CIITA: variants seen among roughly 807,000 people sequenced by gnomAD.
CIITA encodes class II major histocompatibility complex transactivator, also known as MHC class II transactivator.
In CIITA, 72 loss-of-function variants were observed where a neutral mutation model predicts 115.1. That is an observed-to-expected ratio of 0.63 (90% CI 0.52 to 0.76). CIITA has a LOEUF of 0.76. Among genes scored for constraint, CIITA ranks in the 30% least tolerant of loss-of-function variants. The probability of loss-of-function intolerance (pLI) is 0.00; values close to 1 mark genes in which losing one functional copy is unlikely to be tolerated. For synonymous variants in CIITA, 763 were observed against 635.6 expected, an observed-to-expected ratio of 1.20 and a Z score of -3.02; for missense variants, 1,617 against 1,463.8, an observed-to-expected ratio of 1.10 and a Z score of -1.71.
rs905776541 is a variant in CIITA, at chr16:10,929,742, G to A, written c.*5887G>A. The A allele has an allele frequency of 1.1e-5, 2 of 177,800 alleles. No homozygotes were observed. Among genetic ancestry groups the A allele is most frequent in the Admixed American group, 1.3e-4 (2 of 15,316 alleles). 11.0% of individuals were successfully genotyped at this position (177,800 alleles called of 1,614,324 possible). A position where few individuals can be genotyped will look rare whatever the true frequency, so the allele number is the denominator to read the frequency against. On this transcript the variant is annotated 3_prime_UTR_variant, in exon 20 of 20. Coordinates refer to ENST00000324288, the MANE Select transcript of CIITA (RefSeq NM_000246.4). This position sits in a 1 kb window ranked among gnomAD's most constrained non-coding sequence, Gnocchi z 4.3. ...AGACTCAGGCTGAAAATGTCTTTCT[G>A]CAAATATAAAACTCTTTTTAATGAA... is the stretch of plus-strand genomic sequence containing the variant.
chr16:10,909,733 T>C (rs997047790), intron 12 of CIITA, among the ~76,000 whole-genome samples: 8 of 152,188 alleles, frequency 5.3e-5, no homozygotes, highest in Non-Finnish European at 8.8e-5. Context: ...TCTTTTATTT[T>C]TATTTTTATT....
In CIITA at chr16:10,910,272, G is replaced by A. The variant is rs149176307; in HGVS notation, c.2888+13G>A. 3.8e-5 allele frequency: 62 copies of A among 1,612,594 alleles called. No homozygotes were observed. In the African/African-American group the frequency reaches 7.3e-4, roughly 19 times the overall value. On this transcript the variant is annotated intron_variant, in intron 13 of 19. Transcript: ENST00000324288. ...AACTGGAGTTTGCGTAAGCAAAGGGGTGGATTGTCTTGTGGGTCTGCGCAA... is the reference window on the plus strand; with the variant it reads ...AACTGGAGTTTGCGTAAGCAAAGGGATGGATTGTCTTGTGGGTCTGCGCAA...
At chr16:10,896,438 C>T (rs1004688938) in intron 3 of CIITA, among the ~76,000 whole-genome samples, 1 of 152,156 alleles carries the variant, frequency 6.6e-6, no homozygotes, top group African/African-American at 2.4e-5. Flanking sequence ...AATTTGTAGC[C>T]TTAAGAAGAG....
Position 10,916,504 on chromosome 16 carries a change from A to T in CIITA, c.3062+45A>T, listed in dbSNP as rs199871932. 478 of 1,528,062 alleles carry T rather than the reference A, an allele frequency of 3.1e-4. 4 individuals are homozygous for T. In the East Asian group the frequency reaches 0.01, roughly 33 times the overall value. The allele number at this position is 1,528,062 out of a possible 1,614,324, so 94.7% of individuals were successfully genotyped here. On this transcript the variant is annotated intron_variant, in intron 15 of 19. Coordinates refer to ENST00000324288, the MANE Select transcript of CIITA (RefSeq NM_000246.4). ...CCTTCCTGCTGAATCGGGCCCCCAAAGTCCGGCTGACTTTTTCAAAATTAA... is the reference window on the plus strand; with the variant it reads ...CCTTCCTGCTGAATCGGGCCCCCAATGTCCGGCTGACTTTTTCAAAATTAA...
upstream of CIITA, among the ~76,000 whole-genome samples, chr16:10,875,172 T>C (rs1165840161): frequency 6.6e-6 from 1 of 152,130 alleles, no homozygotes; most frequent in East Asian, 1.9e-4. Context: ...TTGGCCAGGC[T>C]GGTCTTCAAC....
intron 4 of CIITA, 91 bp downstream of exon 4, chr16:10,898,823 T>A (rs1158074033): frequency 1.3e-6 from 2 of 1,594,052 alleles, no homozygotes; most frequent in African/African-American, 2.7e-5. Context: ...CGACCATTCA[T>A]TGATGGGCAG....
intron 1 of CIITA, among the ~76,000 whole-genome samples, chr16:10,880,153 C>T (rs936133824): frequency 1.1e-4 from 17 of 152,230 alleles, no homozygotes; most frequent in African/African-American, 3.9e-4. Flanking sequence ...ATGACCTGGT[C>T]TCCAACAATC....
At chr16:10,880,566 G>C (rs12924236) in intron 1 of CIITA, among the ~76,000 whole-genome samples, 35,275 of 152,148 alleles carry the variant, frequency 0.23, 4,568 homozygotes, top group East Asian at 0.57. Context: ...GCCCAGTGCA[G>C]CAAGCAGATG....
In CIITA at chr16:10,867,743, C is replaced by T. The variant is rs114375503; in HGVS notation, c.-21+1424C>T. ...CCCACTTACAAAGAAGTCCTCCCTTCATTGTAATGTCACAACTTTCTTTCT... is the reference window on the plus strand; with the variant it reads ...CCCACTTACAAAGAAGTCCTCCCTTTATTGTAATGTCACAACTTTCTTTCT... On this transcript the variant is annotated intron_variant, in intron 1 of 5. Coordinates refer to the CIITA transcript ENST00000636238. Among the ~76,000 whole-genome samples the T allele has an allele frequency of 9.1e-3, 1,385 of 152,234 alleles. 21 individuals carry two copies. Among genetic ancestry groups the T allele is most frequent in the African/African-American group, 0.03 (1,228 of 41,526 alleles).
chr16:10,867,408 G>A (rs1431653547), intron 1 of CIITA, among the ~76,000 whole-genome samples: 1 of 151,682 alleles, frequency 6.6e-6, no homozygotes, highest in Admixed American at 6.6e-5. Flanking sequence ...GAAACCGAAA[G>A]ACAGAGGGAG....
chr16:10,907,710 A>T lies in CIITA; in HGVS notation c.2218A>T (p.Thr740Ser). The T allele has an allele frequency of 6.2e-7, 1 of 1,614,034 alleles. No individual in the cohort carries two copies. Among genetic ancestry groups the T allele is most frequent in the Non-Finnish European group, 8.5e-7 (1 of 1,180,016 alleles). ...DKELPQYLAL[T>S]PRKKRPYDNW... ...GGAGCTCCCGCAGTACCTAGCATTG[A>T]CCCCAAGGAAGAAGAGGCCCTATGA... The change falls in exon 11 of 20, where the codon ACC (threonine) becomes TCC (serine). Residue 740 changes from threonine to serine, a missense_variant. Transcript: ENST00000324288. This position sits in a 1 kb window ranked among gnomAD's most constrained non-coding sequence, Gnocchi z 5.0.
Position 10,941,460 on chromosome 16 carries a change from T to G in CIITA, n.586T>G. ...GGCATCCAGTTAGACCTGGAGGAGG[T>G]GAACGGAGGAGAAGCCTGAGGGAGG... On this transcript the variant is annotated non_coding_transcript_exon_variant, in exon 2 of 2. Coordinates refer to the CIITA transcript ENST00000573379. This position sits in a 1 kb window ranked among gnomAD's most constrained non-coding sequence, Gnocchi z 6.4. The G allele has an allele frequency of 1.8e-6, 2 of 1,120,594 alleles. No individual in the cohort carries two copies. Among genetic ancestry groups the G allele is most frequent in the South Asian group, 2.3e-5 (1 of 43,108 alleles). The allele number at this position is 1,120,594 out of a possible 1,614,324, so 69.4% of individuals were successfully genotyped here.
intron 5 of CIITA, among the ~76,000 whole-genome samples, chr16:10,900,624 C>T (rs1055439382): frequency 6.6e-6 from 1 of 151,932 alleles, no homozygotes; most frequent in Non-Finnish European, 1.5e-5. Flanking sequence ...CCTGTAATCC[C>T]AGCTACCAGG....
At position 10,929,645 on chromosome 16, in the gene CIITA, G is replaced by T; in HGVS notation, c.*5790G>T. The T allele has an allele frequency of 2.3e-6, 2 of 852,292 alleles. No individual in the cohort carries two copies. The highest frequency in any genetic ancestry group is 2.8e-6 in the Non-Finnish European group (2 of 708,694). The allele number at this position is 852,292 out of a possible 1,614,324, so 52.8% of individuals were successfully genotyped here. On this transcript the variant is annotated 3_prime_UTR_variant, in exon 20 of 20. Transcript: ENST00000324288. The surrounding 1 kb of genome is among the most constrained non-coding windows in gnomAD (Gnocchi z 4.3). Reference sequence around the variant, plus strand: ...CTGGGGACAGGGACCAATCCACCAGGCTCGGGAGGCTTGGGGTGGGGCAGG... The same window carrying T: ...CTGGGGACAGGGACCAATCCACCAGTCTCGGGAGGCTTGGGGTGGGGCAGG...
At chr16:10,899,373 A>G (rs2038474214) in intron 5 of CIITA, among the ~76,000 whole-genome samples, 1 of 150,458 alleles carries the variant, frequency 6.6e-6, no homozygotes, top group Non-Finnish European at 1.5e-5. Context: ...AGTTCTTCCC[A>G]TGGCTGACTC....
chr16:10,893,399 G>A (rs1174767661), intron 1 of CIITA, among the ~76,000 whole-genome samples: 1 of 152,156 alleles, frequency 6.6e-6, no homozygotes, highest in Non-Finnish European at 1.5e-5. Flanking sequence ...AGAGCTACAT[G>A]ATCTTGAGGA....
In CIITA at chr16:10,907,447, GC is replaced by G. The variant is rs778982759; in HGVS notation, c.1962del (p.Ala656ProfsTer30). On this transcript the variant is annotated frameshift_variant, in exon 11 of 20. Transcript: ENST00000324288. LOFTEE classifies it high-confidence loss of function. This position sits in a 1 kb window ranked among gnomAD's most constrained non-coding sequence, Gnocchi z 5.0. The stretch of plus-strand genomic sequence containing the variant: ...CTGCTGGGCCGTGCAGCCCTCGACA[GC>G]CCCCCCGGGGCCCTGGCAGAGCTGG... ...VGLLGRAALD[S>X]PPGALAELAK... The G allele has an allele frequency of 1.2e-6, 2 of 1,612,784 alleles. No homozygotes were observed. The highest frequency in any genetic ancestry group is 1.7e-5 in the Admixed American group (1 of 59,990).
chr16:10,870,849 C>G (rs76760479), intron 1 of CIITA, among the ~76,000 whole-genome samples: 1 of 152,178 alleles, frequency 6.6e-6, no homozygotes, highest in African/African-American at 2.4e-5. Context: ...CTGAGTCTAA[C>G]AGCAAGGAGA....
chr16:10,873,339 C>T (rs1236347473), upstream of CIITA, among the ~76,000 whole-genome samples: 1 of 152,212 alleles, frequency 6.6e-6, no homozygotes, highest in African/African-American at 2.4e-5. Flanking sequence ...TGATCCTAGA[C>T]ATTAACAGAT....
Sources: allele counts gnomAD v4.1 joint callset (sites outside exome capture counted in the v4.1 genomes callset), GRCh38; gene constraint gnomAD v4.1.1; non-coding constraint Gnocchi (gnomAD v3.1); transcripts MANE v1.5; gene names NCBI Gene and HGNC (gene_info 2026-07-23, HGNC 2026-07-21).